Variants in RP1 observed in about 807,000 individuals in gnomAD.
The protein encoded by RP1 is oxygen-regulated protein 1.
In RP1, 16 loss-of-function variants were observed where a neutral mutation model predicts 14.8. The ratio of observed to expected loss-of-function variants is 1.08; its 90% CI spans 0.73 to 1.65. The LOEUF (loss-of-function observed/expected upper bound fraction) is 1.65, where lower values mean the gene tolerates loss of function less well. Ranked by LOEUF, RP1 falls within the 40% of genes most tolerant of loss-of-function variation. RP1 has a pLI of 0.00. For synonymous variants in RP1, 876 were observed against 883.6 expected (o/e 0.99, Z 0.15); for missense variants, 2,631 against 2,535.0 (o/e 1.04, Z -0.81).
At chr8:54,656,958 G>C (rs1375670424) in intron 6 of RP1, among the ~76,000 whole-genome samples, 1 of 152,012 alleles carries the variant, frequency 6.6e-6, no homozygotes, top group Non-Finnish European at 1.5e-5. Context: ...TTAGGCTTAG[G>C]TCCATACCAA....
intron 24 of RP1, among the ~76,000 whole-genome samples, chr8:54,792,302 T>A (rs1043062865): frequency 6.6e-6 from 1 of 151,896 alleles, no homozygotes; most frequent in Admixed American, 6.6e-5. Flanking sequence ...GACGGATAGA[T>A]CATCCAGATA....
At chr8:54,791,684 A>G (rs1056828494) in intron 24 of RP1, among the ~76,000 whole-genome samples, 1 of 152,074 alleles carries the variant, frequency 6.6e-6, no homozygotes, top group Non-Finnish European at 1.5e-5. Flanking sequence ...TGCAAGTCTT[A>G]TGGTAACCAC....
chr8:54,688,924 T>C (rs897400296), intron 12 of RP1, among the ~76,000 whole-genome samples: 2 of 152,196 alleles, frequency 1.3e-5, no homozygotes, highest in Non-Finnish European at 2.9e-5. Flanking sequence ...TTTCACGATA[T>C]TGATTCTTCC....
At chr8:54,813,690 A>G (rs995334) in intron 24 of RP1, among the ~76,000 whole-genome samples, 6,397 of 152,346 alleles carry the variant, frequency 0.042, 179 homozygotes, top group Non-Finnish European at 0.067. Context: ...TCGTGCACAC[A>G]GCATTTACAC....
chr8:54,865,350 C>A (rs992853712), intron 27 of RP1, among the ~76,000 whole-genome samples: 4 of 151,504 alleles, frequency 2.6e-5, no homozygotes, highest in African/African-American at 9.7e-5. Context: ...TCCTCTCCTT[C>A]CTCCCTTCTT....
Position 54,626,390 on chromosome 8 carries a change from G to T in RP1, c.2508G>T (p.Pro836=). 6.2e-7 allele frequency: 1 copy of T among 1,613,198 alleles called. No individual in the cohort carries two copies. Among genetic ancestry groups the T allele is most frequent in the Middle Eastern group, 1.7e-4 (1 of 6,060 alleles). ...LEQKPKDFYA[P]QSQAEVASGY... ...AAAAACCCAAAGATTTTTATGCACC[G>T]CAATCTCAAGCAGAAGTGGCATCTG... The change falls in exon 4 of 4, where the codon CCG becomes CCT. Residue 836 remains proline, a synonymous_variant. Transcript: ENST00000220676.
intron 25 of RP1, among the ~76,000 whole-genome samples, chr8:54,842,081 A>G (rs1309639493): frequency 6.6e-6 from 1 of 152,212 alleles, no homozygotes; most frequent in East Asian, 1.9e-4. Context: ...TTAGATAACA[A>G]CTGAGCTAAA....
rs1190610711 is a variant in RP1 at position 54,679,786 on chromosome 8, CT to C, written c.1588-15del. The C allele has an allele frequency of 3.3e-6, 5 of 1,534,070 alleles. No homozygotes were observed. In the Admixed American group the frequency reaches 9.9e-5, roughly 30 times the overall value. Reference sequence around the variant, plus strand: ...CATACTGGTGTTTTCATTTGTTTTGCTTTGTTTTTCTTTTTAGTGGACTGCA... The same window carrying C: ...CATACTGGTGTTTTCATTTGTTTTGCTTGTTTTTCTTTTTAGTGGACTGCA... On this transcript the variant is annotated splice_polypyrimidine_tract_variant and intron_variant, in intron 11 of 22. Transcript: ENST00000636932.
At chr8:54,852,962 CA>C (rs1812090994) in intron 26 of RP1, among the ~76,000 whole-genome samples, 1 of 152,128 alleles carries the variant, frequency 6.6e-6, no homozygotes, top group Non-Finnish European at 1.5e-5. Context: ...TCAGCTATAA[CA>C]AAATGAACAT....
At chr8:54,670,625 ACTCTGATGTTAGGTG>A (rs1807149826) in intron 7 of RP1, among the ~76,000 whole-genome samples, 1 of 134,168 alleles carries the variant, frequency 7.5e-6, no homozygotes, top group African/African-American at 2.8e-5. Flanking sequence ...ATATATGTAT[ACTCTGATGTTAGGTG>A]CACATATATT....
At chr8:54,733,987 G>A (rs912167065) in intron 17 of RP1, among the ~76,000 whole-genome samples, 6 of 152,122 alleles carry the variant, frequency 3.9e-5, no homozygotes, top group African/African-American at 1.4e-4. Context: ...CAACTGCTCT[G>A]AGCACCTCAG....
chr8:54,777,223 G>A (rs529916080), intron 23 of RP1, among the ~76,000 whole-genome samples: 2 of 152,154 alleles, frequency 1.3e-5, no homozygotes, highest in Non-Finnish European at 1.5e-5. Flanking sequence ...TGTTTCACTT[G>A]TAATGGAACC....
At chr8:54,820,180 T>C (rs1394971895) in intron 24 of RP1, among the ~76,000 whole-genome samples, 1 of 151,986 alleles carries the variant, frequency 6.6e-6, no homozygotes, top group African/African-American at 2.4e-5. Flanking sequence ...AAGACAAAAA[T>C]CCTCTGTCCT....
At chr8:54,692,290 T>TG (rs1807733855) in intron 12 of RP1, among the ~76,000 whole-genome samples, 2 of 149,514 alleles carry the variant, frequency 1.3e-5, no homozygotes, top group Non-Finnish European at 3.0e-5. Context: ...TGTGCATGTG[T>TG]CTTTATAGCA....
chr8:54,782,973 C>A (rs903853470), intron 23 of RP1, among the ~76,000 whole-genome samples: 33 of 152,166 alleles, frequency 2.2e-4, no homozygotes, highest in African/African-American at 7.7e-4. Context: ...TTGCCAAGAC[C>A]TATTTATGCA....
chr8:54,787,908 C>G (rs1426502410), intron 24 of RP1, among the ~76,000 whole-genome samples: 1 of 152,172 alleles, frequency 6.6e-6, no homozygotes, highest in East Asian at 1.9e-4. Flanking sequence ...ATGGATAAAG[C>G]ACTTAACATT....
At chr8:54,611,893 C>CT (rs1805605089), upstream of RP1, among the ~76,000 whole-genome samples, 2 of 143,220 alleles carry the variant, frequency 1.4e-5, no homozygotes, top group Admixed American at 7.1e-5. Context: ...CTCTCCCTTC[C>CT]TTCCTTCCTT....
At chr8:54,764,104 G>GA (rs1467741282) in intron 22 of RP1, among the ~76,000 whole-genome samples, 2 of 152,052 alleles carry the variant, frequency 1.3e-5, no homozygotes, top group African/African-American at 2.4e-5. Context: ...ATTAATTGTT[G>GA]AAAAAAAGAG....
intron 12 of RP1, among the ~76,000 whole-genome samples, chr8:54,685,362 C>A (rs902577649): frequency 9.9e-5 from 15 of 152,102 alleles, no homozygotes; most frequent in Admixed American, 9.2e-4. Flanking sequence ...TCTCTTTGTT[C>A]TCATTAGTTT....
Sources: gnomAD v4.1 joint callset for allele counts (sites outside exome capture counted in the v4.1 genomes callset) on GRCh38, gnomAD v4.1.1 for gene constraint, MANE v1.5 for transcripts, NCBI Gene and HGNC (gene_info 2026-07-23, HGNC 2026-07-21) for gene names.